Variants in NUMB observed in about 807,000 individuals in gnomAD.
NUMB encodes the protein protein numb homolog.
Under a neutral mutation model 59.7 loss-of-function variants are expected in NUMB, and 29 were observed. The observed-to-expected ratio is 0.49, with a 90% CI of 0.36 to 0.66. The LOEUF is 0.66. Among genes scored for constraint, NUMB ranks in the 30% least tolerant of loss-of-function variants. The pLI, the probability that NUMB is intolerant of heterozygous loss-of-function variation, is 0.00. For synonymous variants in NUMB, 288 were observed against 288.2 expected, an observed-to-expected ratio of 1.00 and a Z score of 0.01; for missense variants, 723 against 822.0, an observed-to-expected ratio of 0.88 and a Z score of 1.47.
At chr14:73,307,593 G>A (rs1890522025) in intron 6 of NUMB, among the ~76,000 whole-genome samples, 2 of 152,056 alleles carry the variant, frequency 1.3e-5, no homozygotes, top group African/African-American at 2.4e-5. Context: ...GGAAGGCTAG[G>A]AGGAGATAAA....
intron 4 of NUMB, among the ~76,000 whole-genome samples, chr14:73,347,124 C>T (rs1049309772): frequency 1.3e-5 from 2 of 152,120 alleles, no homozygotes; most frequent in Non-Finnish European, 2.9e-5. Context: ...TCCCAAGTAG[C>T]TGAGACTTAT....
At chr14:73,414,373 C>A (rs1187947001) in intron 1 of NUMB, among the ~76,000 whole-genome samples, 1 of 152,090 alleles carries the variant, frequency 6.6e-6, no homozygotes, top group African/African-American at 2.4e-5. Flanking sequence ...TTTTGCATGG[C>A]CATCTACTTT....
intron 4 of NUMB, among the ~76,000 whole-genome samples, chr14:73,354,527 A>T (rs1435648405): frequency 6.9e-6 from 1 of 144,628 alleles, no homozygotes; most frequent in Non-Finnish European, 1.5e-5. Flanking sequence ...AAAAAAAAAA[A>T]AGAATATATA....
chr14:73,447,569 G>A lies in NUMB; in HGVS notation c.-233+10924C>T, dbSNP rs1036087034. ...AAATGAACAATAGGCTGAGCACAGT[G>A]TCTGACACTTATAATCCCAGCACTT... On this transcript the variant is annotated intron_variant, in intron 1 of 12. Transcript: ENST00000555238. Among the ~76,000 whole-genome samples the A allele has an allele frequency of 2.4e-4, 37 of 151,156 alleles. 1 individual carries two copies. The highest frequency in any genetic ancestry group is 8.3e-4 in the African/African-American group (34 of 41,164).
At chr14:73,343,459 G>C (rs1297258343) in intron 4 of NUMB, among the ~76,000 whole-genome samples, 1 of 152,196 alleles carries the variant, frequency 6.6e-6, no homozygotes, top group Admixed American at 6.5e-5. Flanking sequence ...TACATGACAG[G>C]CATTCTTTCA....
intron 6 of NUMB, among the ~76,000 whole-genome samples, chr14:73,308,765 G>A (rs1344177219): frequency 6.6e-6 from 1 of 152,194 alleles, no homozygotes; most frequent in Non-Finnish European, 1.5e-5. Context: ...CACAGACGAA[G>A]GGGAGAACTG....
rs1321605504 is a variant in NUMB, at chr14:73,355,737, C to T, written c.15G>A (p.Arg5=). 3 of 1,611,668 alleles carry T rather than the reference C, an allele frequency of 1.9e-6. No individual in the cohort carries two copies. Among genetic ancestry groups the T allele is most frequent in the South Asian group, 1.1e-5 (1 of 90,912 alleles). The change falls in exon 4 of 13, where the codon CGG becomes CGA. Residue 5 remains arginine, a synonymous_variant. Transcript: ENST00000555238. Reference sequence around the variant, plus strand: ...CATCCTTCTTTCTCCTAAAACTTTGCCGTAATTTGTTCATTTTAATTTTTA... The same window carrying T: ...CATCCTTCTTTCTCCTAAAACTTTGTCGTAATTTGTTCATTTTAATTTTTA... MNKL[R]QSFRRKKDVY... is the part of the protein sequence containing the mutation.
chr14:73,374,482 T>G (rs1894852732), intron 2 of NUMB, among the ~76,000 whole-genome samples: 1 of 152,170 alleles, frequency 6.6e-6, no homozygotes. Flanking sequence ...TCAGAGAACC[T>G]TGTGCCAAAA....
intron 9 of NUMB, among the ~76,000 whole-genome samples, chr14:73,285,860 A>G (rs1446735282): frequency 6.6e-6 from 1 of 151,744 alleles, no homozygotes; most frequent in Non-Finnish European, 1.5e-5. Flanking sequence ...CAGGAGGTGA[A>G]GGCGGCAGTC....
intron 2 of NUMB, among the ~76,000 whole-genome samples, chr14:73,372,363 TTTTATA>T (rs1333552492): frequency 4.1e-5 from 4 of 97,808 alleles, no homozygotes; most frequent in Non-Finnish European, 9.3e-5. Context: ...ATATATAACC[TTTTATA>T]TATATATATA....
intron 3 of NUMB, among the ~76,000 whole-genome samples, chr14:73,360,257 T>G (rs1008675096): frequency 6.6e-6 from 1 of 152,204 alleles, no homozygotes; most frequent in Non-Finnish European, 1.5e-5. Context: ...CATGTTAGCA[T>G]ATAAAGGTAT....
chr14:73,293,393 C>CTTTTTTTTTT (rs56116167), intron 7 of NUMB, among the ~76,000 whole-genome samples: 1 of 95,574 alleles, frequency 1.0e-5, no homozygotes, highest in Non-Finnish European at 2.2e-5. Flanking sequence ...GTTTCTTTTT[C>CTTTTTTTTTT]TTTTTTTTTT....
chr14:73,442,328 G>A (rs1883124950), intron 1 of NUMB, among the ~76,000 whole-genome samples: 1 of 151,886 alleles, frequency 6.6e-6, no homozygotes, highest in Non-Finnish European at 1.5e-5. Flanking sequence ...AGCAATGATT[G>A]CACCACTGCA....
rs902621506 is a variant in NUMB, at chr14:73,437,318, T to A, written c.-233+21175A>T. Among the ~76,000 whole-genome samples the A allele has an allele frequency of 2.0e-5, 3 of 152,202 alleles. No individual in the cohort carries two copies. In the East Asian group the frequency reaches 5.8e-4, roughly 29 times the overall value. ...TCCCAAAGTGCTGGGATTACAGGCATAAGCCATCACGCCTGGCCTATTTTT... is the reference window on the plus strand; with the variant it reads ...TCCCAAAGTGCTGGGATTACAGGCAAAAGCCATCACGCCTGGCCTATTTTT... On this transcript the variant is annotated intron_variant, in intron 1 of 12. Coordinates refer to ENST00000555238, the MANE Select transcript of NUMB (RefSeq NM_001005743.2).
At chr14:73,390,102 C>CTA (rs1895767441) in intron 2 of NUMB, among the ~76,000 whole-genome samples, 1 of 151,956 alleles carries the variant, frequency 6.6e-6, no homozygotes, top group Non-Finnish European at 1.5e-5. Context: ...TTTCTAGGGG[C>CTA]TATACTAAGG....
intron 4 of NUMB, among the ~76,000 whole-genome samples, chr14:73,325,125 A>G (rs1891594831): frequency 6.6e-6 from 1 of 152,218 alleles, no homozygotes; most frequent in Non-Finnish European, 1.5e-5. Context: ...AATTCCTGAC[A>G]CACAACTTTT....
At chr14:73,328,388 A>T (rs1185552352) in intron 4 of NUMB, among the ~76,000 whole-genome samples, 1 of 152,184 alleles carries the variant, frequency 6.6e-6, no homozygotes, top group Non-Finnish European at 1.5e-5. Context: ...CAGTTGAAGT[A>T]TATCTTGGTT....
rs765736029 is a variant in NUMB, at chr14:73,350,070, T to TACACACACACACACAC, written c.126+5555_126+5556insGTGTGTGTGTGTGTGT. Among the ~76,000 whole-genome samples the TACACACACACACACAC allele has an allele frequency of 5.4e-3, 594 of 110,178 alleles. 5 individuals carry two copies. Among genetic ancestry groups the TACACACACACACACAC allele is most frequent in the African/African-American group, 0.015 (380 of 25,198 alleles). 72.3% of individuals were successfully genotyped at this position (110,178 alleles called of 152,430 possible). On this transcript the variant is annotated intron_variant, in intron 4 of 12. Coordinates refer to ENST00000555238, the MANE Select transcript of NUMB (RefSeq NM_001005743.2). ...ATACATACATACATATATACATACA[T>TACACACACACACACAC]ACATACATACACACACACACACACA... is the stretch of plus-strand genomic sequence containing the variant.
intron 6 of NUMB, among the ~76,000 whole-genome samples, chr14:73,311,365 CAATTT>C (rs1387029114): frequency 6.6e-6 from 1 of 152,096 alleles, no homozygotes; most frequent in Non-Finnish European, 1.5e-5. Flanking sequence ...CGGCAATGAG[CAATTT>C]AATTAGTTTG....
Sources: gnomAD v4.1 joint callset for allele counts (sites outside exome capture counted in the v4.1 genomes callset) on GRCh38, gnomAD v4.1.1 for gene constraint, MANE v1.5 for transcripts, NCBI Gene and HGNC (gene_info 2026-07-23, HGNC 2026-07-21) for gene names.